The following IVNS1ABP variants were observed in gnomAD, a reference collection of about 807,000 sequenced individuals.
The protein encoded by IVNS1ABP is influenza virus NS1A-binding protein.
IVNS1ABP carries 25 observed loss-of-function variants against 78.9 expected under a neutral mutation model. The observed-to-expected ratio is 0.32, with a 90% CI of 0.23 to 0.44. The LOEUF is 0.44. IVNS1ABP is among the 20% of genes least tolerant of loss of function. The probability of loss-of-function intolerance (pLI) is 1.00; values close to 1 mark genes in which losing one functional copy is unlikely to be tolerated. For missense variants in IVNS1ABP, 494 were observed against 768.9 expected (o/e 0.64, Z 4.23); for synonymous variants, 241 against 259.7 (o/e 0.93, Z 0.69).
intron 1 of IVNS1ABP, among the ~76,000 whole-genome samples, chr1:185,312,951 C>G (rs1417120166): frequency 2.6e-5 from 4 of 152,088 alleles, no homozygotes; most frequent in Non-Finnish European, 5.9e-5. Context: ...AGGAAGGAGT[C>G]CCCATGCAAA....
intron 1 of IVNS1ABP, 71 bp downstream of exon 1, chr1:185,316,882 C>G (rs569936594): frequency 2.5e-6 from 1 of 397,660 alleles, no homozygotes; most frequent in Admixed American, 4.4e-5. Flanking sequence ...TCCGCCGGCG[C>G]CATCCCTTCT....
chr1:185,311,877 G>A (rs544315157), intron 1 of IVNS1ABP, among the ~76,000 whole-genome samples: 43 of 152,276 alleles, frequency 2.8e-4, no homozygotes, highest in South Asian at 6.2e-4. Flanking sequence ...GCTCCCAGTT[G>A]GGAAGCAGTT....
At chr1:185,315,158 TA>T (rs1665982629) in intron 1 of IVNS1ABP, among the ~76,000 whole-genome samples, 1 of 152,222 alleles carries the variant, frequency 6.6e-6, no homozygotes, top group Non-Finnish European at 1.5e-5. Flanking sequence ...ATCGCACTGC[TA>T]AAAAGTGGAT....
rs1665460883 is a variant in IVNS1ABP at position 185,297,862 on chromosome 1, TTCCAAATA to T, written c.*165_*172del. On this transcript the variant is annotated 3_prime_UTR_variant, in exon 15 of 15. Transcript: ENST00000367498. ...AACAGACCTTCATCTTTGCATTCCT[TTCCAAATA>T]AACCCAAAAAGTATGTACAGCATGT... 4.9e-6 allele frequency: 3 copies of T among 606,192 alleles called. No individual in the cohort carries two copies. Among genetic ancestry groups the T allele is most frequent in the Admixed American group, 6.6e-5 (2 of 30,320 alleles). 37.6% of individuals were successfully genotyped at this position (606,192 alleles called of 1,614,324 possible). A position where few individuals can be genotyped will look rare whatever the true frequency, so the allele number is the denominator to read the frequency against.
chr1:185,315,022 C>A (rs1665977911), intron 1 of IVNS1ABP, among the ~76,000 whole-genome samples: 1 of 152,122 alleles, frequency 6.6e-6, no homozygotes, highest in African/African-American at 2.4e-5. Context: ...GTTGTTTTAA[C>A]AAAAACCCAG....
intron 2 of IVNS1ABP, among the ~76,000 whole-genome samples, chr1:185,310,728 A>G (rs948903116): frequency 2.0e-5 from 3 of 152,048 alleles, no homozygotes; most frequent in African/African-American, 7.2e-5. Context: ...TGTAAAAATT[A>G]GGCAGTCATG....
At chr1:185,303,970 C>G (rs796840851) in intron 8 of IVNS1ABP, among the ~76,000 whole-genome samples, 1 of 152,038 alleles carries the variant, frequency 6.6e-6, no homozygotes, top group Non-Finnish European at 1.5e-5. Flanking sequence ...GTATAAGCCC[C>G]ATTCAGGGAG....
rs939592879 is a variant in IVNS1ABP at position 185,297,203 on chromosome 1, T to C, written c.*832A>G. ...AAGATAAAACACCATTTTTTACTGC[T>C]ATATAATGTCTTGCTATATAAAACA... On this transcript the variant is annotated 3_prime_UTR_variant, in exon 15 of 15. Transcript: ENST00000367498. 6.6e-6 allele frequency: 1 copy of C among 152,172 alleles called. No individual in the cohort carries two copies. The highest frequency in any genetic ancestry group is 2.4e-5 in the African/African-American group (1 of 41,450). The allele number at this position is 152,172 out of a possible 1,614,324, so 9.4% of individuals were successfully genotyped here. A position where few individuals can be genotyped will look rare whatever the true frequency, so the allele number is the denominator to read the frequency against.
chr1:185,307,920 A>G (rs1358949226), intron 5 of IVNS1ABP: 5 of 1,526,538 alleles, frequency 3.3e-6, no homozygotes, highest in Non-Finnish European at 4.4e-6. Context: ...ATTTTCAAGT[A>G]GAATAATTTG....
rs767158444 is a variant in IVNS1ABP, at chr1:185,301,455, C to T, written c.874G>A (p.Val292Ile). ...VQSPKHEWKIVASEKTSNNTY... is the reference protein window; with the variant it reads ...VQSPKHEWKIIASEKTSNNTY... ...TTACTTGAAGTCTTTTCTGAAGCAA[C>T]GATTTTCCACTCATGCTTAGGGCTT... The change falls in exon 9 of 15, where the codon GTT becomes ATT. Residue 292 changes from valine (V) to isoleucine (I), a missense_variant. Coordinates refer to ENST00000367498, the MANE Select transcript of IVNS1ABP (RefSeq NM_006469.5). The T allele has an allele frequency of 8.1e-6, 13 of 1,613,050 alleles. No individual in the cohort carries two copies. In the African/African-American group the frequency reaches 1.1e-4, roughly 13 times the overall value.
chr1:185,307,456 A>G (rs1665768195), intron 6 of IVNS1ABP, 33 bp downstream of exon 6: 3 of 1,510,550 alleles, frequency 2.0e-6, no homozygotes, highest in Non-Finnish European at 2.7e-6. Context: ...GGAACTAGAT[A>G]GTATATATCT....
rs1342133241 is a variant in IVNS1ABP, at chr1:185,309,018, T to TAATTCAACAAG, written c.255_265dup (p.Tyr89SerfsTer3). ...ATGTACTTACTGAGCAGTGTAGGCA[T>TAATTCAACAAG]AATTCAACAAGACTTCAACAGCTTC... On this transcript the variant is annotated stop_gained and frameshift_variant, in exon 4 of 15. Transcript: ENST00000367498. LOFTEE classifies it high-confidence loss of function. The TAATTCAACAAG allele has an allele frequency of 6.2e-7, 1 of 1,611,046 alleles. No homozygotes were observed. The highest frequency in any genetic ancestry group is 2.2e-5 in the East Asian group (1 of 44,840).
chr1:185,306,407 T>A (rs2102818457), intron 7 of IVNS1ABP: 1 of 1,156,136 alleles, frequency 8.6e-7, no homozygotes. Context: ...CCAAGTTAAG[T>A]GAGTGACTAT....
At chr1:185,315,145 A>G (rs16823905) in intron 1 of IVNS1ABP, among the ~76,000 whole-genome samples, 16 of 152,338 alleles carry the variant, frequency 1.1e-4, no homozygotes, top group Admixed American at 5.9e-4. Flanking sequence ...ATTTGACTAT[A>G]CAATCGCACT....
chr1:185,315,691 G>A (rs1665998864), intron 1 of IVNS1ABP, among the ~76,000 whole-genome samples: 1 of 152,210 alleles, frequency 6.6e-6, no homozygotes, highest in Admixed American at 6.5e-5. Context: ...GCAGGCTTTA[G>A]CCTAAAAGTA....
At chr1:185,316,182 C>G (rs1302573088) in intron 1 of IVNS1ABP, among the ~76,000 whole-genome samples, 1 of 152,210 alleles carries the variant, frequency 6.6e-6, no homozygotes, top group Non-Finnish European at 1.5e-5. Context: ...GAAAGAGCGT[C>G]CCAGGCCTTC....
chr1:185,310,052 A>G (rs1258980590), intron 2 of IVNS1ABP, among the ~76,000 whole-genome samples: 1 of 152,124 alleles, frequency 6.6e-6, no homozygotes, highest in East Asian at 1.9e-4. Context: ...AAATTGCCTA[A>G]TGTCTTCCTC....
At chr1:185,316,851 G>A in intron 1 of IVNS1ABP, 102 bp downstream of exon 1, 2 of 395,644 alleles carry the variant, frequency 5.1e-6, no homozygotes, top group Non-Finnish European at 8.9e-6. Flanking sequence ...CACCGCTTCC[G>A]CGCCTCCCAC....
intron 6 of IVNS1ABP, 83 bp downstream of exon 6, chr1:185,307,406 T>C: frequency 2.8e-6 from 3 of 1,068,576 alleles, no homozygotes; most frequent in Non-Finnish European, 4.1e-6. Flanking sequence ...TTCATAATCA[T>C]TACTCACTTG....
Sources: allele counts gnomAD v4.1 joint callset (sites outside exome capture counted in the v4.1 genomes callset), GRCh38; gene constraint gnomAD v4.1.1; transcripts MANE v1.5; gene names NCBI Gene and HGNC (gene_info 2026-07-23, HGNC 2026-07-21).